Variants in NEK9 observed in about 807,000 individuals in gnomAD.
NEK9 encodes NIMA related kinase 9.
In NEK9, 75 loss-of-function variants were observed where a neutral mutation model predicts 123.4. That is an observed-to-expected ratio of 0.61 (90% CI 0.50 to 0.74). The LOEUF is 0.74. Among genes scored for constraint, NEK9 ranks in the 30% least tolerant of loss-of-function variants. NEK9 has a pLI of 0.00. For synonymous variants in NEK9, 438 were observed against 458.7 expected, an observed-to-expected ratio of 0.95 and a Z score of 0.58; for missense variants, 952 against 1,214.4, an observed-to-expected ratio of 0.78 and a Z score of 3.21.
chr14:75,094,637 G>A (rs1894322517), intron 18 of NEK9, among the ~76,000 whole-genome samples: 2 of 152,112 alleles, frequency 1.3e-5, no homozygotes, highest in African/African-American at 2.4e-5. Context: ...AAAAATAGCT[G>A]AGTGTGGTGG....
At chr14:75,123,870 CCTT>C (rs1442495491) in intron 2 of NEK9, among the ~76,000 whole-genome samples, 173 bp downstream of exon 2, 3 of 152,144 alleles carry the variant, frequency 2.0e-5, no homozygotes, top group Admixed American at 6.5e-5. Flanking sequence ...AAATCCCTCT[CCTT>C]ATTTCGTACA....
At chr14:75,124,644 G>A (rs1434413402) in intron 1 of NEK9, among the ~76,000 whole-genome samples, 2 of 152,004 alleles carry the variant, frequency 1.3e-5, no homozygotes, top group African/African-American at 4.8e-5. Context: ...CTTGCCTCTA[G>A]TTTTATAAAT....
chr14:75,093,263 T>C lies in NEK9; in HGVS notation c.2234-1785A>G, dbSNP rs144888595. Reference sequence around the variant, plus strand: ...GCACCGATATGGAACATTTCCATTGTTGCAAAAAGATCTACTGGACACTGC... The same window carrying C: ...GCACCGATATGGAACATTTCCATTGCTGCAAAAAGATCTACTGGACACTGC... On this transcript the variant is annotated intron_variant, in intron 18 of 21. Coordinates refer to ENST00000238616, the MANE Select transcript of NEK9 (RefSeq NM_033116.6). Among the ~76,000 whole-genome samples the C allele has an allele frequency of 1.5e-3, 226 of 152,324 alleles. 6 individuals carry two copies. The East Asian group carries it at 0.036, about 24-fold the overall frequency.
At chr14:75,117,077 C>T in intron 6 of NEK9, 118 bp downstream of exon 6, 1 of 1,192,920 alleles carries the variant, frequency 8.4e-7, no homozygotes, top group Non-Finnish European at 1.2e-6. Context: ...AATCTTGTAC[C>T]TGAATACAGG....
At chr14:75,086,204 A>T (rs1338880810) in intron 21 of NEK9, among the ~76,000 whole-genome samples, 2 of 151,386 alleles carry the variant, frequency 1.3e-5, no homozygotes, top group African/African-American at 4.8e-5. Flanking sequence ...AAAAATAAAA[A>T]TAAAAATAAA....
chr14:75,104,108 G>C, intron 13 of NEK9, 111 bp from the exon 14 acceptor site: 1 of 1,084,838 alleles, frequency 9.2e-7, no homozygotes, highest in Non-Finnish European at 1.3e-6. Context: ...ATGACTACAG[G>C]AAAGTGAGGA....
chr14:75,113,004 A>G (rs1169269169), intron 8 of NEK9, among the ~76,000 whole-genome samples: 1 of 152,216 alleles, frequency 6.6e-6, no homozygotes, highest in East Asian at 1.9e-4. Flanking sequence ...TGACAAAGAT[A>G]ATGACAAAAT....
intron 2 of NEK9, 48 bp from the exon 3 acceptor site, chr14:75,121,222 G>A (rs771632458): frequency 1.4e-6 from 2 of 1,470,438 alleles, no homozygotes; most frequent in Admixed American, 1.8e-5. Flanking sequence ...ACAGATCAAA[G>A]CTTGGCTCCT....
rs175448 is a variant in NEK9, at chr14:75,124,368, G to A, written c.220-145C>T. On this transcript the variant is annotated intron_variant, in intron 1 of 21. Coordinates refer to ENST00000238616, the MANE Select transcript of NEK9 (RefSeq NM_033116.6). ...TTTTTTCCTTTTAACAGACTTTAAAGGTTATGTGTACAATTTAGCATTATA... is the reference window on the plus strand; with the variant it reads ...TTTTTTCCTTTTAACAGACTTTAAAAGTTATGTGTACAATTTAGCATTATA... 300,989 of 626,704 alleles carry A rather than the reference G, an allele frequency of 0.48. 75,572 individuals carry two copies. Among genetic ancestry groups the A allele is most frequent in the African/African-American group, 0.56 (30,299 of 54,540 alleles). The allele number at this position is 626,704 out of a possible 1,614,324, so 38.8% of individuals were successfully genotyped here.
rs750496399 is a variant in NEK9 at position 75,101,663 on chromosome 14, T to C, written c.1834A>G (p.Ile612Val). ...CAGTTGTAAATCAACTTACCATCAA[T>C]AGCAGCTGTGTGAGTCTTGCCTGGG... ...IAPGKTHTAAIDERGRLLTFG... is the reference protein window; with the variant it reads ...IAPGKTHTAAVDERGRLLTFG... The change falls in exon 15 of 22, where the codon ATT (isoleucine) becomes GTT (valine). Residue 612 changes from isoleucine to valine, a missense_variant. Physicochemically the swap from Ile to Val is conservative, Grantham distance 29. Around this residue, in one of 4 missense-constraint regions of NEK9, gnomAD observed 698 missense variants for 875.6 expected, o/e 0.80. Transcript: ENST00000238616. The C allele has an allele frequency of 1.9e-6, 3 of 1,608,238 alleles. No individual in the cohort carries two copies. The highest frequency in any genetic ancestry group is 2.6e-6 in the Non-Finnish European group (3 of 1,174,700).
At chr14:75,095,263 C>T (rs1566643537) in intron 18 of NEK9, 109 bp downstream of exon 18, 5 of 705,186 alleles carry the variant, frequency 7.1e-6, no homozygotes, top group Middle Eastern at 2.5e-4. Flanking sequence ...GTATTCCTCA[C>T]TTCCCAAAGA....
intron 17 of NEK9, 94 bp from the exon 18 acceptor site, chr14:75,095,525 A>C (rs1019609225): frequency 1.4e-6 from 1 of 719,342 alleles, no homozygotes; most frequent in African/African-American, 1.7e-5. Flanking sequence ...GCTCTCCTTG[A>C]CTCCAGATAA....
intron 21 of NEK9, among the ~76,000 whole-genome samples, chr14:75,085,273 G>A (rs1215562017): frequency 6.6e-6 from 1 of 152,164 alleles, no homozygotes; most frequent in Non-Finnish European, 1.5e-5. Flanking sequence ...TTACAGGTGT[G>A]AGCCACCGTG....
intron 19 of NEK9, among the ~76,000 whole-genome samples, chr14:75,090,728 C>T (rs906128007): frequency 6.6e-6 from 1 of 151,950 alleles, no homozygotes; most frequent in African/African-American, 2.4e-5. Flanking sequence ...CACACTACTA[C>T]ACCCGGCTAA....
At chr14:75,099,785 A>AG (rs1427031577) in intron 16 of NEK9, among the ~76,000 whole-genome samples, 1 of 149,708 alleles carries the variant, frequency 6.7e-6, no homozygotes, top group Non-Finnish European at 1.5e-5. Flanking sequence ...TGTGTCTCAA[A>AG]AAAAAAAAAA....
In NEK9 at chr14:75,083,200, A is replaced by G; in HGVS notation, c.*1364T>C. The G allele has an allele frequency of 2.5e-6, 1 of 398,026 alleles. No individual in the cohort carries two copies. The highest frequency in any genetic ancestry group is 4.4e-6 in the Non-Finnish European group (1 of 225,992). 24.7% of individuals were successfully genotyped at this position (398,026 alleles called of 1,614,324 possible). On this transcript the variant is annotated 3_prime_UTR_variant, in exon 22 of 22. Coordinates refer to ENST00000238616, the MANE Select transcript of NEK9 (RefSeq NM_033116.6). ...GAAGGTGGGATGTGAGACTCATCAA[A>G]GGTAGGATGTGTGACACAAAATACC... is the stretch of plus-strand genomic sequence containing the variant.
intron 13 of NEK9, among the ~76,000 whole-genome samples, chr14:75,105,341 C>A (rs1208558200): frequency 6.6e-6 from 1 of 151,404 alleles, no homozygotes; most frequent in African/African-American, 2.4e-5. Context: ...AAACCCAAAA[C>A]ACTGCTAACA....
At chr14:75,104,190 A>T (rs1449408265) in intron 13 of NEK9, among the ~76,000 whole-genome samples, 193 bp from the exon 14 acceptor site, 3 of 147,304 alleles carry the variant, frequency 2.0e-5, no homozygotes, top group African/African-American at 7.5e-5. Flanking sequence ...TTTGAGATAG[A>T]GTTTCCCTCT....
At position 75,084,599 on chromosome 14, in the gene NEK9, G is replaced by T. The variant is rs1440769929; in HGVS notation, c.2905C>A (p.Leu969Ile). The T allele has an allele frequency of 6.2e-7, 1 of 1,614,172 alleles. No homozygotes were observed. ...GGTCTACAGGAGTCTGTTCCCAGGA[G>T]GCACCAGGAATCTGAATCTAAGTCA... is the stretch of plus-strand genomic sequence containing the variant. ...KPDLDSDSWC[L>I]LGTDSCRPSL Residue 969 changes from leucine (L) to isoleucine (I), a missense_variant, in exon 22 of 22, where the codon CTC becomes ATC. Leu to Ile is a conservative substitution (Grantham distance 5). This residue lies in a region of NEK9 where 698 missense variants were observed against 875.6 expected (regional missense o/e 0.80). Transcript: ENST00000238616.
Sources: allele counts gnomAD v4.1 joint callset (sites outside exome capture counted in the v4.1 genomes callset), GRCh38; gene constraint gnomAD v4.1.1; regional missense constraint gnomAD v4.1.1; transcripts MANE v1.5; gene names NCBI Gene and HGNC (gene_info 2026-07-23, HGNC 2026-07-21).